The following SYNE2 variants were observed in gnomAD, a reference collection of about 807,000 sequenced individuals.
SYNE2 encodes nesprin-2.
A neutral mutation model predicts 856.3 loss-of-function variants in SYNE2; 431 were observed. The observed-to-expected ratio is 0.50, with a 90% CI of 0.47 to 0.55. The LOEUF (loss-of-function observed/expected upper bound fraction) is 0.55. Ranked by LOEUF, SYNE2 falls within the 20% of genes least tolerant of loss-of-function variation. The probability of loss-of-function intolerance (pLI) is 0.00; values close to 1 mark genes in which losing one functional copy is unlikely to be tolerated. For synonymous variants in SYNE2, 2,923 were observed against 2,872.3 expected (o/e 1.02, Z -0.56); for missense variants, 8,129 against 8,023.2 (o/e 1.01, Z -0.50).
chr14:63,999,998 A>G (rs1218203284), intron 27 of SYNE2, among the ~76,000 whole-genome samples: 1 of 152,198 alleles, frequency 6.6e-6, no homozygotes, highest in Non-Finnish European at 1.5e-5. Context: ...AACTATACTA[A>G]TCTTTGGGTA....
chr14:63,840,963 G>A (rs767586594), intron 1 of SYNE2, among the ~76,000 whole-genome samples: 1 of 152,098 alleles, frequency 6.6e-6, no homozygotes, highest in Admixed American at 6.6e-5. Flanking sequence ...TCAGTGAACC[G>A]AGATTGCGCC....
intron 66 of SYNE2, among the ~76,000 whole-genome samples, chr14:64,114,588 C>G (rs558330633): frequency 1.3e-5 from 2 of 151,860 alleles, no homozygotes; most frequent in African/African-American, 4.8e-5. Context: ...GCCTCCTTTT[C>G]TGTGCATCTC....
intron 48 of SYNE2, among the ~76,000 whole-genome samples, chr14:64,054,689 G>A (rs1298607704): frequency 3.2e-4 from 48 of 152,162 alleles, no homozygotes; most frequent in Non-Finnish European, 1.0e-4. Flanking sequence ...ACCTCTGTTG[G>A]AAAGTGACGC....
intron 98 of SYNE2, chr14:64,188,915 G>T: frequency 1.4e-6 from 1 of 708,774 alleles, no homozygotes; most frequent in Non-Finnish European, 2.6e-6. Context: ...ACCATTGTCA[G>T]TGGGCATGGT....
Position 64,140,066 on chromosome 14 carries a change from A to G in SYNE2, c.14969A>G (p.Asn4990Ser), listed in dbSNP as rs577518631. The G allele has an allele frequency of 1.0e-4, 161 of 1,613,326 alleles. No homozygotes were observed. Among genetic ancestry groups the G allele is most frequent in the Non-Finnish European group, 1.3e-4 (157 of 1,179,882 alleles). ...GATACAATCAGAAGCAACATCAACA[A>G]TTTTTTTGTAAGTTGTAATAGCATA... Reference protein sequence around the residue: ...DLDTIRSNINNFFEFSKEVDE... With the variant: ...DLDTIRSNINSFFEFSKEVDE... The change falls in exon 80 of 116, where the codon AAT becomes AGT. Residue 4990 changes from asparagine to serine, a missense_variant. Around this residue, in one of 3 missense-constraint regions of SYNE2, gnomAD observed 5,410 missense variants for 5,284.8 expected, o/e 1.02. Coordinates refer to ENST00000555002, the MANE Select transcript of SYNE2 (RefSeq NM_182914.3).
chr14:64,100,531 A>AAAAAATATATATATAT (rs1491537041), intron 63 of SYNE2, among the ~76,000 whole-genome samples: 1 of 39,492 alleles, frequency 2.5e-5, no homozygotes, highest in Non-Finnish European at 4.7e-5. Context: ...AAAAAAAAAA[A>AAAAAATATATATATAT]ATATATATAT....
rs750318973 is a variant in SYNE2, at chr14:64,209,468, G to C, written c.18430G>C (p.Asp6144His). 20 of 1,614,218 alleles carry C rather than the reference G, an allele frequency of 1.2e-5. No homozygotes were observed. The highest frequency in any genetic ancestry group is 1.7e-5 in the Non-Finnish European group (20 of 1,180,038). The part of the protein sequence containing the change: ...TWRLWQKFLD[D>H]YSRFEDWLKS... ...GCGCCTGTGGCAGAAGTTTTTAGAC[G>C]ACTATTCTCGCTTTGAGGACTGGCT... The change falls in exon 102 of 116, where the codon GAC (aspartate) becomes CAC (histidine). Residue 6144 changes from aspartate to histidine, a missense_variant. Asp to His is a moderately conservative substitution (Grantham distance 81). Transcript: ENST00000555002.
At chr14:64,106,438 A>T (rs2153648529) in intron 64 of SYNE2, among the ~76,000 whole-genome samples, 1 of 152,320 alleles carries the variant, frequency 6.6e-6, no homozygotes, top group East Asian at 1.9e-4. Flanking sequence ...TCACGAGGTC[A>T]GGAGATCAAG....
At chr14:63,830,489 T>G (rs913091529) in intron 1 of SYNE2, among the ~76,000 whole-genome samples, 3 of 151,868 alleles carry the variant, frequency 2.0e-5, no homozygotes, top group African/African-American at 7.3e-5. Context: ...CAAGACCTTG[T>G]CTCTACAAAT....
intron 16 of SYNE2, 26 bp downstream of exon 16, chr14:63,981,199 T>C: frequency 3.2e-6 from 5 of 1,565,758 alleles, no homozygotes; most frequent in Non-Finnish European, 3.5e-6. Flanking sequence ...TAGCATCTGC[T>C]CAATTTTATT....
intron 6 of SYNE2, among the ~76,000 whole-genome samples, chr14:63,949,065 C>A (rs907149968): frequency 4.0e-5 from 6 of 151,712 alleles, no homozygotes; most frequent in African/African-American, 1.5e-4. Flanking sequence ...TTGTTGACAT[C>A]TGTTATTATG....
intron 42 of SYNE2, among the ~76,000 whole-genome samples, 198 bp from the exon 43 acceptor site, chr14:64,027,286 T>C (rs183652024): frequency 6.6e-6 from 1 of 152,354 alleles, no homozygotes; most frequent in East Asian, 1.9e-4. Context: ...TATTTTTTAG[T>C]AATACTCAAA....
chr14:64,179,586 A>G (rs1390528173), intron 96 of SYNE2, among the ~76,000 whole-genome samples: 1 of 151,708 alleles, frequency 6.6e-6, no homozygotes, highest in African/African-American at 2.4e-5. Context: ...GTATTGTCAG[A>G]TTTTTTTTTA....
At chr14:63,970,459 A>G (rs989086364) in intron 11 of SYNE2, among the ~76,000 whole-genome samples, 1 of 152,108 alleles carries the variant, frequency 6.6e-6, no homozygotes, top group Non-Finnish European at 1.5e-5. Flanking sequence ...GGGCCTCCCA[A>G]AGTGTTGGGA....
Position 64,029,005 on chromosome 14 carries a change from A to G in SYNE2, c.6715-890A>G, listed in dbSNP as rs1176566509. On this transcript the variant is annotated intron_variant, in intron 43 of 115. Coordinates refer to ENST00000555002, the MANE Select transcript of SYNE2 (RefSeq NM_182914.3). Reference sequence around the variant, plus strand: ...ACAAAAATTAGCCGGGCATGGTGGCACGCGCCTGTAGTCCCACCTACTGGG... The same window carrying G: ...ACAAAAATTAGCCGGGCATGGTGGCGCGCGCCTGTAGTCCCACCTACTGGG... Among the ~76,000 whole-genome samples the G allele has an allele frequency of 2.0e-5, 3 of 152,204 alleles. No individual in the cohort carries two copies. The East Asian group carries it at 5.8e-4, about 29-fold the overall frequency.
Position 63,814,870 on chromosome 14 carries a change from A to G in SYNE2, c.-304-37631A>G, listed in dbSNP as rs1888831544. ...CATATATATCCATATATATCTCTCC[A>G]TATATATCCATATATATATCCATAT... is the stretch of plus-strand genomic sequence containing the variant. On this transcript the variant is annotated intron_variant, in intron 1 of 23. Coordinates refer to the SYNE2 transcript ENST00000674003. Among the ~76,000 whole-genome samples, 3 of 76,754 alleles carry G rather than the reference A, an allele frequency of 3.9e-5. No individual in the cohort carries two copies. In the Admixed American group the frequency reaches 5.7e-4, roughly 15 times the overall value. 50.4% of individuals were successfully genotyped at this position (76,754 alleles called of 152,430 possible). A position where few individuals can be genotyped will look rare whatever the true frequency, so the allele number is the denominator to read the frequency against.
chr14:63,869,636 C>CAA (rs35258750), intron 1 of SYNE2, among the ~76,000 whole-genome samples: 37,793 of 76,970 alleles, frequency 0.49, 8,958 homozygotes, highest in Non-Finnish European at 0.59. Context: ...AACTTTGTCT[C>CAA]AAAAAAAAAA....
chr14:64,080,849 T>G (rs2097515970), intron 56 of SYNE2, among the ~76,000 whole-genome samples: 1 of 152,104 alleles, frequency 6.6e-6, no homozygotes, highest in African/African-American at 2.4e-5. Context: ...GAACCAAGAA[T>G]CCAGAAGTTG....
rs1398467279 is a variant in SYNE2 at position 64,093,550 on chromosome 14, C to A, written c.12108+70C>A. 12 of 1,578,748 alleles carry A rather than the reference C, an allele frequency of 7.6e-6. No individual in the cohort carries two copies. The Admixed American group carries it at 1.0e-4, about 13-fold the overall frequency. On this transcript the variant is annotated intron_variant, in intron 61 of 115. Coordinates refer to ENST00000555002, the MANE Select transcript of SYNE2 (RefSeq NM_182914.3). ...GTGCATTTATTTAATACTTACTAAG[C>A]CTTTGGTGTCTAGGAGCCTTTCTAG... is the stretch of plus-strand genomic sequence containing the variant.
Sources: gnomAD v4.1 joint callset for allele counts (sites outside exome capture counted in the v4.1 genomes callset) on GRCh38, gnomAD v4.1.1 for gene constraint, gnomAD v4.1.1 regional missense constraint, MANE v1.5 for transcripts, NCBI Gene and HGNC (gene_info 2026-07-23, HGNC 2026-07-21) for gene names.